TTC23: variants seen among roughly 807,000 people sequenced by gnomAD.
The protein encoded by TTC23 is tetratricopeptide repeat domain 23.
Under a neutral mutation model 55.1 loss-of-function variants are expected in TTC23, and 58 were observed. That is an observed-to-expected ratio of 1.05 (90% confidence interval 0.85 to 1.31). The LOEUF is 1.31. Ranked by LOEUF, TTC23 falls within the 50% of genes most tolerant of loss-of-function variation. The pLI, the probability that TTC23 is intolerant of heterozygous loss-of-function variation, is 0.00. For missense variants in TTC23, 516 were observed against 534.4 expected (o/e 0.97, Z 0.34); for synonymous variants, 203 against 199.9 (o/e 1.02, Z -0.13).
At chr15:99,200,668 T>C (rs1407498722) in intron 8 of TTC23, among the ~76,000 whole-genome samples, 1 of 152,170 alleles carries the variant, frequency 6.6e-6, no homozygotes, top group East Asian at 1.9e-4. Context: ...CATACACATA[T>C]ATGTACACAC....
chr15:99,136,760 C>T lies in TTC23; in HGVS notation c.*1250G>A, dbSNP rs935686145. The T allele has an allele frequency of 1.3e-5, 2 of 152,254 alleles. No individual in the cohort carries two copies. The highest frequency in any genetic ancestry group is 4.8e-5 in the African/African-American group (2 of 41,444). 9.4% of individuals were successfully genotyped at this position (152,254 alleles called of 1,614,324 possible). On this transcript the variant is annotated 3_prime_UTR_variant, in exon 14 of 14. Transcript: ENST00000394132. ...TAGGACACACGGTGAGTAGTGACAT[C>T]TTACACGTTTTTAGCACACTGCTGA...
chr15:99,193,057 T>C (rs1320925038), intron 9 of TTC23, among the ~76,000 whole-genome samples: 4 of 152,210 alleles, frequency 2.6e-5, no homozygotes, highest in Non-Finnish European at 5.9e-5. Context: ...CCATTTGGAA[T>C]GGCTGCACTT....
At chr15:99,246,844 C>T (rs568844866) in intron 1 of TTC23, among the ~76,000 whole-genome samples, 5 of 152,180 alleles carry the variant, frequency 3.3e-5, no homozygotes, top group South Asian at 4.1e-4. Context: ...TGCTTGAACC[C>T]GGAAGGTGGA....
At chr15:99,247,955 G>C (rs2080405216) in intron 1 of TTC23, among the ~76,000 whole-genome samples, 1 of 152,012 alleles carries the variant, frequency 6.6e-6, no homozygotes, top group Non-Finnish European at 1.5e-5. Flanking sequence ...GTTAAAAATA[G>C]CTATGAAACC....
chr15:99,184,140 A>C (rs1252623712), intron 9 of TTC23, among the ~76,000 whole-genome samples: 2 of 152,216 alleles, frequency 1.3e-5, no homozygotes, highest in Non-Finnish European at 2.9e-5. Context: ...CTGGGTGTCC[A>C]GGCAGAAGTG....
chr15:99,238,520 A>G (rs1424472602), intron 3 of TTC23, among the ~76,000 whole-genome samples: 2 of 152,186 alleles, frequency 1.3e-5, no homozygotes, highest in South Asian at 4.1e-4. Flanking sequence ...ACTCCAGACA[A>G]CAAGAAGGGA....
At chr15:99,203,972 T>A (rs1201366594) in intron 8 of TTC23, among the ~76,000 whole-genome samples, 1 of 152,208 alleles carries the variant, frequency 6.6e-6, no homozygotes, top group Admixed American at 6.5e-5. Flanking sequence ...CAGATATTTC[T>A]TTTGATATAC....
chr15:99,234,176 T>C (rs60234322), intron 4 of TTC23, among the ~76,000 whole-genome samples: 3,697 of 152,222 alleles, frequency 0.024, 163 homozygotes, highest in African/African-American at 0.083. Context: ...CATAACCAAT[T>C]GGATTTCATC....
intron 3 of TTC23, among the ~76,000 whole-genome samples, chr15:99,236,817 A>G (rs537091199): frequency 2.6e-5 from 4 of 152,250 alleles, no homozygotes; most frequent in Admixed American, 6.5e-5. Flanking sequence ...TCCATGGATT[A>G]CCTTTTGTTG....
intron 11 of TTC23, chr15:99,159,149 G>C (rs1283973818): frequency 1.3e-5 from 2 of 152,334 alleles, no homozygotes; most frequent in African/African-American, 4.8e-5. Flanking sequence ...TGATCTGGGT[G>C]ACTTGGGCAA....
chr15:99,211,931 G>A (rs571388060), intron 8 of TTC23, among the ~76,000 whole-genome samples: 71 of 152,276 alleles, frequency 4.7e-4, no homozygotes, highest in Middle Eastern at 3.4e-3. Context: ...CGGGCCTCAA[G>A]CGATCCTCCC....
chr15:99,233,874 C>T (rs1339803995), intron 4 of TTC23, among the ~76,000 whole-genome samples: 2 of 152,102 alleles, frequency 1.3e-5, no homozygotes, highest in Non-Finnish European at 2.9e-5. Flanking sequence ...GAAATGGACC[C>T]ACACATACAT....
In TTC23 at chr15:99,139,277, AGG is replaced by A. The variant is rs1360647638; in HGVS notation, c.1226+38_1226+39del. ...CTTTCTCTTGAGATTCTGAATGGAA[AGG>A]GAATGAGATAGAGAAAGTGTGAGGG... is the stretch of plus-strand genomic sequence containing the variant. On this transcript the variant is annotated intron_variant, in intron 13 of 13. Coordinates refer to ENST00000394132, the MANE Select transcript of TTC23 (RefSeq NM_001288615.3). 2.5e-6 allele frequency: 4 copies of A among 1,586,632 alleles called. No homozygotes were observed. The African/African-American group carries it at 6.2e-5, about 25-fold the overall frequency.
At chr15:99,228,974 GTATA>G (rs994067463) in intron 4 of TTC23, among the ~76,000 whole-genome samples, 2 of 97,648 alleles carry the variant, frequency 2.0e-5, no homozygotes, top group African/African-American at 3.6e-5. Flanking sequence ...ACATACACAT[GTATA>G]TAAACACACA....
At chr15:99,216,055 G>A (rs1408595956) in intron 8 of TTC23, among the ~76,000 whole-genome samples, 2 of 152,124 alleles carry the variant, frequency 1.3e-5, no homozygotes, top group African/African-American at 4.8e-5. Context: ...GAAGATATGA[G>A]GCTGCTAAAC....
chr15:99,192,048 C>T (rs559961092), intron 9 of TTC23, among the ~76,000 whole-genome samples: 6 of 152,258 alleles, frequency 3.9e-5, no homozygotes, highest in African/African-American at 1.4e-4. Context: ...ATTTGTGGAA[C>T]TTTGAACTTG....
chr15:99,209,161 C>T (rs1235079152), intron 8 of TTC23, among the ~76,000 whole-genome samples: 4 of 152,100 alleles, frequency 2.6e-5, no homozygotes, highest in Non-Finnish European at 4.4e-5. Flanking sequence ...GATGGAGACT[C>T]GTTTTAACAA....
intron 9 of TTC23, among the ~76,000 whole-genome samples, chr15:99,176,490 AG>A (rs2073569667): frequency 6.6e-6 from 1 of 152,182 alleles, no homozygotes; most frequent in South Asian, 2.1e-4. Context: ...ATATGCCTGC[AG>A]TCCCAGCTAC....
chr15:99,170,069 C>A (rs1413376024), intron 10 of TTC23, among the ~76,000 whole-genome samples: 1 of 152,186 alleles, frequency 6.6e-6, no homozygotes, highest in African/African-American at 2.4e-5. Context: ...GCCCTGAACA[C>A]TTAGCAGGGC....
Sources: allele counts gnomAD v4.1 joint callset (sites outside exome capture counted in the v4.1 genomes callset), GRCh38; gene constraint gnomAD v4.1.1; transcripts MANE v1.5; gene names NCBI Gene and HGNC (gene_info 2026-07-23, HGNC 2026-07-21).